PXDN: variants seen among roughly 807,000 people sequenced by gnomAD.
PXDN encodes peroxidasin.
PXDN carries 77 observed loss-of-function variants against 140.3 expected under a neutral mutation model. The ratio of observed to expected loss-of-function variants is 0.55; its 90% confidence interval spans 0.46 to 0.66. The LOEUF (loss-of-function observed/expected upper bound fraction) is 0.66, where lower values mean the gene tolerates loss of function less well. Among genes scored for constraint, PXDN ranks in the 30% least tolerant of loss-of-function variants. The pLI is 0.00. For missense variants in PXDN, 1,838 were observed against 2,039.5 expected (o/e 0.90, Z 1.90); for synonymous variants, 911 against 857.4 (o/e 1.06, Z -1.09).
intron 1 of PXDN, among the ~76,000 whole-genome samples, chr2:1,723,592 TAATGGATGGATA>T (rs1361768182): frequency 1.3e-5 from 2 of 151,350 alleles, no homozygotes; most frequent in Non-Finnish European, 2.9e-5. Flanking sequence ...ATGGATGGAT[TAATGGATGGATA>T]AATGGATAGG....
At chr2:1,665,360 C>T (rs528920088) in intron 10 of PXDN, among the ~76,000 whole-genome samples, 7 of 152,192 alleles carry the variant, frequency 4.6e-5, no homozygotes, top group African/African-American at 1.2e-4. Context: ...CACTGCAGCT[C>T]GTGGACACCA....
rs773272550 is a variant in PXDN, at chr2:1,683,692, G to A, written c.524C>T (p.Pro175Leu). The A allele has an allele frequency of 4.4e-6, 7 of 1,607,742 alleles. No homozygotes were observed. The highest frequency in any genetic ancestry group is 5.9e-6 in the Non-Finnish European group (7 of 1,177,936). ...LHNNRITHLV[P>L]GTFNHLESMK... ...AGATTCCAAGTGATTAAATGTCCCT[G>A]GAACTAAATGTGTAATCCGGTTGTT... The change falls in exon 6 of 23, where the codon CCA (proline) becomes CTA (leucine). Residue 175 changes from proline to leucine, a missense_variant. Transcript: ENST00000252804.
chr2:1,740,560 GC>G (rs35519267), intron 1 of PXDN, among the ~76,000 whole-genome samples: 68,558 of 151,650 alleles, frequency 0.45, 17,013 homozygotes, highest in Admixed American at 0.61. Flanking sequence ...GTGAACACAG[GC>G]CGGGAGGTGG....
chr2:1,719,929 GGA>G (rs1163940757), intron 1 of PXDN, among the ~76,000 whole-genome samples: 7 of 48,078 alleles, frequency 1.5e-4, no homozygotes, highest in Admixed American at 8.1e-4. Flanking sequence ...ATGCAGAGAG[GGA>G]GAGAGAGAGA....
chr2:1,647,748 C>T (rs1682883910), intron 17 of PXDN, among the ~76,000 whole-genome samples: 2 of 152,246 alleles, frequency 1.3e-5, no homozygotes, highest in Admixed American at 1.3e-4. Context: ...AGCTCTGCCT[C>T]TCTCTCTGCC....
chr2:1,731,270 C>T (rs1157660069), intron 1 of PXDN, among the ~76,000 whole-genome samples: 1 of 151,778 alleles, frequency 6.6e-6, no homozygotes, highest in Non-Finnish European at 1.5e-5. Flanking sequence ...GAGAAGCTCA[C>T]GGTCCACTTC....
At chr2:1,677,514 C>CCACAGCTGCCCCGCCCTT (rs1321493818) in intron 7 of PXDN, among the ~76,000 whole-genome samples, 1 of 152,222 alleles carries the variant, frequency 6.6e-6, no homozygotes, top group Non-Finnish European at 1.5e-5. Flanking sequence ...CCTCCCTCCT[C>CCACAGCTGCCCCGCCCTT]CACAGCTGCC....
chr2:1,689,625 A>G (rs1377445382), intron 3 of PXDN, among the ~76,000 whole-genome samples: 2 of 152,172 alleles, frequency 1.3e-5, no homozygotes, highest in Non-Finnish European at 2.9e-5. Context: ...TCTATTAAAA[A>G]TACAAAAAAT....
intron 9 of PXDN, among the ~76,000 whole-genome samples, chr2:1,670,454 A>G (rs1163430857): frequency 6.6e-6 from 1 of 152,242 alleles, no homozygotes; most frequent in Non-Finnish European, 1.5e-5. Context: ...GAAGAGGGGA[A>G]GGGAATAGGA....
chr2:1,711,042 CACTCT>C (rs1684759833), intron 1 of PXDN, among the ~76,000 whole-genome samples: 1 of 76,076 alleles, frequency 1.3e-5, no homozygotes, highest in African/African-American at 4.8e-5. Flanking sequence ...CACCAGCATC[CACTCT>C]ACCAGCACCC....
At chr2:1,662,868 A>G (rs1354126499) in intron 12 of PXDN, among the ~76,000 whole-genome samples, 1 of 152,118 alleles carries the variant, frequency 6.6e-6, no homozygotes, top group Non-Finnish European at 1.5e-5. Flanking sequence ...ATCCAGCCCT[A>G]TCCTCCCCGC....
intron 1 of PXDN, among the ~76,000 whole-genome samples, chr2:1,742,583 A>G (rs1206800948): frequency 6.6e-6 from 1 of 152,230 alleles, no homozygotes; most frequent in Non-Finnish European, 1.5e-5. Context: ...GGGGCAAAAC[A>G]TACCGCAAGC....
Position 1,638,229 on chromosome 2 carries a change from A to G in PXDN, c.4206+617T>C, listed in dbSNP as rs527550711. ...TGAGCGCACTTCCTTCTATTTAGCC[A>G]TAGGTCTCAATCTCCACCCCCTTAC... On this transcript the variant is annotated intron_variant, in intron 21 of 22. Transcript: ENST00000252804. Among the ~76,000 whole-genome samples the G allele has an allele frequency of 5.3e-5, 8 of 152,264 alleles. No individual in the cohort carries two copies. In the East Asian group the frequency reaches 1.2e-3, roughly 22 times the overall value.
chr2:1,720,877 C>G (rs1268679984), intron 1 of PXDN, among the ~76,000 whole-genome samples: 2 of 152,080 alleles, frequency 1.3e-5, no homozygotes, highest in Non-Finnish European at 1.5e-5. Context: ...GCGCCTGACC[C>G]AGGACAGCAG....
intron 1 of PXDN, among the ~76,000 whole-genome samples, chr2:1,722,234 G>A (rs563071285): frequency 3.9e-5 from 6 of 152,270 alleles, no homozygotes; most frequent in African/African-American, 1.2e-4. Flanking sequence ...AGCTCTCCAC[G>A]TGGACGTCTT....
chr2:1,727,596 T>C (rs1685218661), intron 1 of PXDN, among the ~76,000 whole-genome samples: 1 of 152,092 alleles, frequency 6.6e-6, no homozygotes. Context: ...GCAGGTGCAT[T>C]TTTCCTCAGC....
chr2:1,683,984 T>G, intron 5 of PXDN, 96 bp downstream of exon 5: 7 of 1,199,848 alleles, frequency 5.8e-6, no homozygotes, highest in Non-Finnish European at 8.2e-6. Flanking sequence ...GAAACAGTTT[T>G]CAGGTGTTTG....
intron 1 of PXDN, among the ~76,000 whole-genome samples, chr2:1,705,053 GAC>G (rs1684558355): frequency 6.6e-6 from 1 of 152,168 alleles, no homozygotes; most frequent in Non-Finnish European, 1.5e-5. Context: ...CAGAAAAAAA[GAC>G]AACAGTACTA....
intron 1 of PXDN, among the ~76,000 whole-genome samples, chr2:1,718,715 T>C (rs1684948854): frequency 6.6e-6 from 1 of 152,230 alleles, no homozygotes; most frequent in African/African-American, 2.4e-5. Flanking sequence ...AGGGCGTGTG[T>C]GGTCCCTTTA....
Sources: gnomAD v4.1 joint callset for allele counts (sites outside exome capture counted in the v4.1 genomes callset) on GRCh38, gnomAD v4.1.1 for gene constraint, MANE v1.5 for transcripts, NCBI Gene and HGNC (gene_info 2026-07-23, HGNC 2026-07-21) for gene names.